HSPA4L: variants seen among roughly 807,000 people sequenced by gnomAD.
The protein encoded by HSPA4L is heat shock 70 kDa protein 4L.
A neutral mutation model predicts 100.3 loss-of-function variants in HSPA4L; 48 were observed. That is an observed-to-expected ratio of 0.48 (90% CI 0.38 to 0.61). The LOEUF (loss-of-function observed/expected upper bound fraction) is 0.61, where lower values mean the gene tolerates loss of function less well. Among genes scored for constraint, HSPA4L ranks in the 20% least tolerant of loss-of-function variants. The pLI, the probability that HSPA4L is intolerant of heterozygous loss-of-function variation, is 0.00. For missense variants in HSPA4L, 886 were observed against 988.6 expected, an observed-to-expected ratio of 0.90 and a Z score of 1.39; for synonymous variants, 319 against 328.2, an observed-to-expected ratio of 0.97 and a Z score of 0.30.
In HSPA4L at chr4:127,833,837, G is replaced by A. The variant is rs1339703890; in HGVS notation, c.*963G>A. 1.3e-5 allele frequency: 2 copies of A among 152,100 alleles called. No individual in the cohort carries two copies. Among genetic ancestry groups the A allele is most frequent in the African/African-American group, 4.8e-5 (2 of 41,432 alleles). 9.4% of individuals were successfully genotyped at this position (152,100 alleles called of 1,614,324 possible). A position where few individuals can be genotyped will look rare whatever the true frequency, so the allele number is the denominator to read the frequency against. On this transcript the variant is annotated 3_prime_UTR_variant, in exon 19 of 19. Coordinates refer to ENST00000296464, the MANE Select transcript of HSPA4L (RefSeq NM_014278.4). The stretch of plus-strand genomic sequence containing the variant: ...TTGATTTACCTAATGTTACCTTGTA[G>A]ATTAAACACTATTAAGTGGTAATAC...
At chr4:127,809,992 C>T (rs1459275504) in intron 11 of HSPA4L, among the ~76,000 whole-genome samples, 1 of 152,176 alleles carries the variant, frequency 6.6e-6, no homozygotes, top group Non-Finnish European at 1.5e-5. Context: ...CTACTTCCCC[C>T]TTTCTCACTT....
At chr4:127,801,066 G>A (rs1430811429) in intron 4 of HSPA4L, 72 bp from the exon 5 acceptor site, 1 of 1,092,538 alleles carries the variant, frequency 9.2e-7, no homozygotes, top group African/African-American at 1.6e-5. Flanking sequence ...TAAGTTTTAG[G>A]GTAATTATAT....
At chr4:127,802,017 A>G (rs1000589520) in intron 6 of HSPA4L, 99 bp downstream of exon 6, 6 of 881,504 alleles carry the variant, frequency 6.8e-6, no homozygotes, top group African/African-American at 3.4e-5. Context: ...CCCTTAAACT[A>G]TGACCTCAAG....
At chr4:127,802,834 C>T (rs891417745) in intron 6 of HSPA4L, among the ~76,000 whole-genome samples, 1 of 152,124 alleles carries the variant, frequency 6.6e-6, no homozygotes, top group Admixed American at 6.6e-5. Context: ...CGACATTCCA[C>T]GCAGATTGTA....
At chr4:127,802,721 CA>C (rs1733225272) in intron 6 of HSPA4L, among the ~76,000 whole-genome samples, 1 of 152,120 alleles carries the variant, frequency 6.6e-6, no homozygotes, top group Non-Finnish European at 1.5e-5. Flanking sequence ...CCAAAATACA[CA>C]CCTGTACTAG....
At chr4:127,795,601 T>C (rs1316711995) in intron 2 of HSPA4L, among the ~76,000 whole-genome samples, 167 bp from the exon 3 acceptor site, 1 of 152,150 alleles carries the variant, frequency 6.6e-6, no homozygotes, top group African/African-American at 2.4e-5. Flanking sequence ...TACATTCTCA[T>C]TGTATGACTT....
intron 4 of HSPA4L, 116 bp from the exon 5 acceptor site, chr4:127,801,022 A>T: frequency 1.5e-6 from 1 of 645,968 alleles, no homozygotes; most frequent in Non-Finnish European, 2.5e-6. Flanking sequence ...TTTCCTCTTT[A>T]GTTAGAACAT....
chr4:127,785,016 T>C (rs1273819960), intron 1 of HSPA4L, among the ~76,000 whole-genome samples: 1 of 152,218 alleles, frequency 6.6e-6, no homozygotes, highest in Non-Finnish European at 1.5e-5. Flanking sequence ...ATTCATACAT[T>C]TTACGTTTCT....
chr4:127,782,764 G>A lies in HSPA4L; in HGVS notation c.107+107G>A, dbSNP rs564391305. On this transcript the variant is annotated intron_variant, in intron 1 of 18. Coordinates refer to ENST00000296464, the MANE Select transcript of HSPA4L (RefSeq NM_014278.4). ...TTCCTCGGATTTTCCCCTAACGTGCGCCGAACCCCGAGATGACAGGTGCAA... is the reference window on the plus strand; with the variant it reads ...TTCCTCGGATTTTCCCCTAACGTGCACCGAACCCCGAGATGACAGGTGCAA... The A allele has an allele frequency of 3.7e-6, 3 of 814,120 alleles. No individual in the cohort carries two copies. The African/African-American group carries it at 5.3e-5, about 14-fold the overall frequency. The allele number at this position is 814,120 out of a possible 1,614,324, so 50.4% of individuals were successfully genotyped here.
At chr4:127,829,661 G>T (rs1734031258) in intron 17 of HSPA4L, among the ~76,000 whole-genome samples, 1 of 152,096 alleles carries the variant, frequency 6.6e-6, no homozygotes. Context: ...ACTGGGAAGA[G>T]TAGGTGGGGA....
At chr4:127,827,653 T>C (rs1733980718) in intron 17 of HSPA4L, among the ~76,000 whole-genome samples, 2 of 152,152 alleles carry the variant, frequency 1.3e-5, no homozygotes, top group South Asian at 2.1e-4. Flanking sequence ...TAGAATTTCC[T>C]GAAACTACAT....
chr4:127,796,884 T>C (rs775653282), intron 3 of HSPA4L, among the ~76,000 whole-genome samples: 8 of 152,198 alleles, frequency 5.3e-5, no homozygotes, highest in Non-Finnish European at 8.8e-5. Context: ...AATTAGATAA[T>C]GGTGATCAGT....
chr4:127,783,384 A>G, intron 1 of HSPA4L: 1 of 519,160 alleles, frequency 1.9e-6, no homozygotes, highest in Non-Finnish European at 2.5e-6. Flanking sequence ...GGTCGGACCA[A>G]AAGCGTGTTT....
intron 11 of HSPA4L, among the ~76,000 whole-genome samples, chr4:127,808,578 A>G (rs1578706238): frequency 6.6e-6 from 1 of 152,256 alleles, no homozygotes; most frequent in East Asian, 1.9e-4. Flanking sequence ...CTTGACTACC[A>G]GAGGATTGCT....
At chr4:127,813,709 C>T (rs1733602596) in intron 12 of HSPA4L, among the ~76,000 whole-genome samples, 1 of 152,206 alleles carries the variant, frequency 6.6e-6, no homozygotes, top group East Asian at 1.9e-4. Flanking sequence ...GTGGCACAAT[C>T]TCGGCCCACT....
rs565561474 is a variant in HSPA4L at position 127,821,466 on chromosome 4, C to G, written c.1812+901C>G. On this transcript the variant is annotated intron_variant, in intron 14 of 18. Coordinates refer to ENST00000296464, the MANE Select transcript of HSPA4L (RefSeq NM_014278.4). ...TGTTTTTATTAAAGTGAAAATTTTG[C>G]TCAAGTATTATAATCTTCAGGTTAT... Among the ~76,000 whole-genome samples, 31 of 152,172 alleles carry G rather than the reference C, an allele frequency of 2.0e-4. No individual in the cohort carries two copies. In the South Asian group the frequency reaches 6.2e-3, roughly 31 times the overall value.
At position 127,782,511 on chromosome 4, in the gene HSPA4L, G is replaced by A. The variant is rs76330431; in HGVS notation, c.-40G>A. 8.4e-3 allele frequency: 12,955 copies of A among 1,535,768 alleles called. 769 individuals are homozygous for A. The African/African-American group carries it at 0.14, about 17-fold the overall frequency. On this transcript the variant is annotated 5_prime_UTR_variant, in exon 1 of 19. Transcript: ENST00000296464. ...CAGAAGAGGACACGGTTCCCGTACC[G>A]AAGGGTTCAGTACCAGCAGCCCGAC...
intron 8 of HSPA4L, among the ~76,000 whole-genome samples, 157 bp from the exon 9 acceptor site, chr4:127,804,916 T>C (rs111982022): frequency 1.6e-4 from 25 of 152,258 alleles, no homozygotes; most frequent in African/African-American, 5.5e-4. Context: ...ATAAATAATA[T>C]TTATTAAATG....
rs1427231092 is a variant in HSPA4L at position 127,834,110 on chromosome 4, CA to C, written c.*1238del. 6.6e-6 allele frequency: 1 copy of C among 152,128 alleles called. No homozygotes were observed. The highest frequency in any genetic ancestry group is 1.5e-5 in the Non-Finnish European group (1 of 68,000). 9.4% of individuals were successfully genotyped at this position (152,128 alleles called of 1,614,324 possible). ...AGGACTTTATCTGTGCTTCATCACC[CA>C]ACTTGTTCACATTGTTAATTTCTGT... On this transcript the variant is annotated 3_prime_UTR_variant, in exon 19 of 19. Transcript: ENST00000296464.
Sources: allele counts gnomAD v4.1 joint callset (sites outside exome capture counted in the v4.1 genomes callset), GRCh38; gene constraint gnomAD v4.1.1; transcripts MANE v1.5; gene names NCBI Gene and HGNC (gene_info 2026-07-23, HGNC 2026-07-21).